The following MAGI2 variants were observed in gnomAD, a reference collection of about 807,000 sequenced individuals.
The protein encoded by MAGI2 is membrane associated guanylate kinase, WW and PDZ domain containing 2.
A neutral mutation model predicts 133.3 loss-of-function variants in MAGI2; 35 were observed. The ratio of observed to expected loss-of-function variants is 0.26; its 90% CI spans 0.20 to 0.35. The LOEUF (loss-of-function observed/expected upper bound fraction) is 0.35. MAGI2 is among the 10% of genes least tolerant of loss of function. The pLI is 1.00. For synonymous variants in MAGI2, 729 were observed against 710.6 expected (o/e 1.03, Z -0.41); for missense variants, 1,636 against 1,863.4 (o/e 0.88, Z 2.25).
At chr7:78,953,036 C>T (rs1802001285) in intron 2 of MAGI2, among the ~76,000 whole-genome samples, 1 of 152,130 alleles carries the variant, frequency 6.6e-6, no homozygotes. Context: ...CATCTGTGAG[C>T]CTGGATGCTC....
At chr7:78,732,062 A>G (rs1821416024) in intron 2 of MAGI2, among the ~76,000 whole-genome samples, 1 of 152,152 alleles carries the variant, frequency 6.6e-6, no homozygotes, top group African/African-American at 2.4e-5. Flanking sequence ...AAAGAATGAG[A>G]GAGAGAGAAA....
At chr7:79,335,783 A>G (rs1215123486) in intron 1 of MAGI2, among the ~76,000 whole-genome samples, 1 of 152,118 alleles carries the variant, frequency 6.6e-6, no homozygotes, top group Admixed American at 6.6e-5. Flanking sequence ...TTACTCTCAC[A>G]TATTATTTTA....
At chr7:78,996,616 G>A (rs1054771116) in intron 2 of MAGI2, among the ~76,000 whole-genome samples, 8 of 152,084 alleles carry the variant, frequency 5.3e-5, no homozygotes, top group African/African-American at 1.7e-4. Context: ...CATGATACAA[G>A]TTTACTTATG....
chr7:78,782,377 G>A (rs1446631101), intron 2 of MAGI2, among the ~76,000 whole-genome samples: 4 of 152,170 alleles, frequency 2.6e-5, no homozygotes, highest in African/African-American at 7.2e-5. Flanking sequence ...ACAGTAGGCC[G>A]AGAGTCAGTG....
chr7:78,477,306 A>C (rs1791873547), intron 6 of MAGI2, among the ~76,000 whole-genome samples: 1 of 152,048 alleles, frequency 6.6e-6, no homozygotes, highest in Non-Finnish European at 1.5e-5. Context: ...TTGTGAAGGC[A>C]TAGAAAACAA....
At chr7:79,061,276 G>A (rs1388438171) in intron 1 of MAGI2, among the ~76,000 whole-genome samples, 2 of 151,676 alleles carry the variant, frequency 1.3e-5, no homozygotes, top group Non-Finnish European at 2.9e-5. Flanking sequence ...GTGCTTTGAA[G>A]GTTGCTTAAA....
intron 10 of MAGI2, among the ~76,000 whole-genome samples, chr7:78,247,323 C>T (rs940458168): frequency 6.6e-6 from 1 of 152,072 alleles, no homozygotes; most frequent in Admixed American, 6.6e-5. Flanking sequence ...TGTGCAAAGA[C>T]TATACCACTG....
intron 1 of MAGI2, among the ~76,000 whole-genome samples, chr7:79,181,762 T>C (rs576167793): frequency 5.7e-4 from 87 of 152,186 alleles, no homozygotes; most frequent in African/African-American, 2.0e-3. Context: ...GTTTCTCTTT[T>C]AAAACTGAAT....
intron 6 of MAGI2, among the ~76,000 whole-genome samples, chr7:78,444,869 A>C (rs2151467786): frequency 6.8e-6 from 1 of 147,740 alleles, no homozygotes; most frequent in East Asian, 2.0e-4. Context: ...AAATATATAA[A>C]TTTATATTTA....
At chr7:79,103,531 A>G (rs1818172530) in intron 1 of MAGI2, among the ~76,000 whole-genome samples, 1 of 152,106 alleles carries the variant, frequency 6.6e-6, no homozygotes, top group East Asian at 1.9e-4. Context: ...AGGGGTCATA[A>G]GGTGATGAAG....
intron 15 of MAGI2, among the ~76,000 whole-genome samples, chr7:78,163,730 C>A (rs541422292): frequency 3.3e-5 from 5 of 151,688 alleles, no homozygotes; most frequent in African/African-American, 1.2e-4. Context: ...CATGGTGAAA[C>A]CCCATCTCTA....
At chr7:78,628,289 A>AAGAAGTATGC (rs2067152) in intron 2 of MAGI2, among the ~76,000 whole-genome samples, 105,925 of 151,490 alleles carry the variant, frequency 0.7, 37,493 homozygotes, top group Middle Eastern at 0.81. Flanking sequence ...CATACATGCA[A>AAGAAGTATGC]AGAAATATAT....
At chr7:78,302,968 A>G (rs914447076) in intron 9 of MAGI2, among the ~76,000 whole-genome samples, 1 of 152,206 alleles carries the variant, frequency 6.6e-6, no homozygotes, top group African/African-American at 2.4e-5. Flanking sequence ...GATGGAAGCT[A>G]TGGCAAGATA....
intron 2 of MAGI2, 47 bp downstream of exon 2, chr7:79,007,043 C>T: frequency 7.6e-7 from 1 of 1,315,466 alleles, no homozygotes; most frequent in Non-Finnish European, 1.1e-6. Context: ...TATAGCTAAA[C>T]ATTTATCTCT....
At chr7:78,542,112 T>C (rs1798458657) in intron 3 of MAGI2, among the ~76,000 whole-genome samples, 1 of 152,212 alleles carries the variant, frequency 6.6e-6, no homozygotes. Context: ...GATACTAATA[T>C]TTGAATTTCA....
chr7:78,355,155 G>A (rs544262900), intron 7 of MAGI2, among the ~76,000 whole-genome samples: 1 of 152,308 alleles, frequency 6.6e-6, no homozygotes, highest in South Asian at 2.1e-4. Context: ...TCATGTAACT[G>A]TAATGGGGGA....
intron 1 of MAGI2, among the ~76,000 whole-genome samples, chr7:79,446,127 G>A (rs991134781): frequency 2.6e-5 from 4 of 152,114 alleles, no homozygotes; most frequent in African/African-American, 9.7e-5. Context: ...GAGAACACAT[G>A]GACACAGGAA....
At chr7:79,039,628 T>C (rs1811436082) in intron 1 of MAGI2, among the ~76,000 whole-genome samples, 1 of 151,150 alleles carries the variant, frequency 6.6e-6, no homozygotes, top group African/African-American at 2.4e-5. Flanking sequence ...GGATTAATAA[T>C]CAAAATATAT....
At chr7:78,248,743 C>T (rs537883203) in intron 10 of MAGI2, among the ~76,000 whole-genome samples, 170 of 152,078 alleles carry the variant, frequency 1.1e-3, no homozygotes, top group African/African-American at 3.9e-3. Context: ...AAAACTTAAA[C>T]GTAAGATCCA....
Sources: allele counts gnomAD v4.1 joint callset (sites outside exome capture counted in the v4.1 genomes callset), GRCh38; gene constraint gnomAD v4.1.1; transcripts MANE v1.5; gene names NCBI Gene and HGNC (gene_info 2026-07-23, HGNC 2026-07-21).